The following CNTN4 variants were observed in gnomAD, a reference collection of about 807,000 sequenced individuals.
CNTN4 encodes the protein contactin-4.
In CNTN4, 77 loss-of-function variants were observed where a neutral mutation model predicts 122.5. That is an observed-to-expected ratio of 0.63 (90% CI 0.52 to 0.76). CNTN4 has a LOEUF of 0.76. CNTN4 is among the 30% of genes least tolerant of loss of function. The probability of loss-of-function intolerance (pLI) is 0.00; values close to 1 mark genes in which losing one functional copy is unlikely to be tolerated. For synonymous variants in CNTN4, 512 were observed against 447.0 expected (o/e 1.15, Z -1.83); for missense variants, 1,256 against 1,259.1 (o/e 1.00, Z 0.04).
chr3:2,681,156 A>T (rs1480604728), intron 4 of CNTN4, among the ~76,000 whole-genome samples: 1 of 152,214 alleles, frequency 6.6e-6, no homozygotes, highest in Non-Finnish European at 1.5e-5. Context: ...CAAGGATTTT[A>T]AAACCTGGCT....
intron 14 of CNTN4, among the ~76,000 whole-genome samples, chr3:3,011,805 C>T (rs1697261882): frequency 6.6e-6 from 1 of 152,106 alleles, no homozygotes; most frequent in African/African-American, 2.4e-5. Context: ...GCCCCAGTCT[C>T]TGCATGTTTG....
chr3:2,604,492 C>G (rs899873143), intron 4 of CNTN4, among the ~76,000 whole-genome samples: 8 of 151,986 alleles, frequency 5.3e-5, no homozygotes, highest in Non-Finnish European at 8.8e-5. Context: ...AGATACATAT[C>G]TATGTAATAT....
chr3:2,152,511 G>A (rs1352997244), intron 2 of CNTN4, among the ~76,000 whole-genome samples: 1 of 152,172 alleles, frequency 6.6e-6, no homozygotes, highest in East Asian at 1.9e-4. Context: ...ACAGGGCCGT[G>A]GTAGAGATGA....
intron 2 of CNTN4, among the ~76,000 whole-genome samples, chr3:2,194,456 A>G (rs898405331): frequency 2.6e-5 from 4 of 152,150 alleles, no homozygotes; most frequent in Non-Finnish European, 4.4e-5. Flanking sequence ...GTGAGACCCC[A>G]TGTCAACAGA....
At chr3:2,548,782 A>T (rs1434351348) in intron 3 of CNTN4, among the ~76,000 whole-genome samples, 1 of 152,150 alleles carries the variant, frequency 6.6e-6, no homozygotes, top group Non-Finnish European at 1.5e-5. Flanking sequence ...GGCCATTTTC[A>T]TGATATTGAT....
intron 2 of CNTN4, among the ~76,000 whole-genome samples, chr3:2,112,194 A>G (rs984027266): frequency 6.6e-6 from 1 of 152,164 alleles, no homozygotes; most frequent in Non-Finnish European, 1.5e-5. Context: ...TCTCATCTGT[A>G]TTCTTTCTAC....
At chr3:2,164,614 A>G (rs894164625) in intron 2 of CNTN4, among the ~76,000 whole-genome samples, 1 of 152,222 alleles carries the variant, frequency 6.6e-6, no homozygotes, top group Non-Finnish European at 1.5e-5. Flanking sequence ...GAAAATGTAT[A>G]CAAAAGTTGA....
At chr3:2,467,801 C>A (rs1410914078) in intron 3 of CNTN4, among the ~76,000 whole-genome samples, 2 of 152,176 alleles carry the variant, frequency 1.3e-5, no homozygotes, top group African/African-American at 2.4e-5. Flanking sequence ...CTTGGCCTTG[C>A]AGTGTCCTGG....
At chr3:3,004,126 AAAAT>A (rs1450834223) in intron 14 of CNTN4, among the ~76,000 whole-genome samples, 2 of 151,708 alleles carry the variant, frequency 1.3e-5, no homozygotes, top group African/African-American at 4.9e-5. Context: ...ATAAAAGGAA[AAAAT>A]AAGTAATGAT....
chr3:2,912,217 T>C (rs931416639), intron 12 of CNTN4, among the ~76,000 whole-genome samples: 2 of 152,326 alleles, frequency 1.3e-5, no homozygotes, highest in East Asian at 3.9e-4. Context: ...CAAACAAGTG[T>C]GCATCTGTAA....
chr3:2,625,914 A>C (rs1311973145), intron 4 of CNTN4, among the ~76,000 whole-genome samples: 2 of 152,158 alleles, frequency 1.3e-5, no homozygotes, highest in African/African-American at 2.4e-5. Context: ...CATTTGTTCT[A>C]CCAGTATCGA....
At chr3:2,326,049 C>A (rs1480658618) in intron 2 of CNTN4, among the ~76,000 whole-genome samples, 6 of 129,750 alleles carry the variant, frequency 4.6e-5, no homozygotes, top group African/African-American at 1.6e-4. Flanking sequence ...AATATTTGAT[C>A]ACATTATTAG....
At chr3:2,932,797 A>C (rs2094532983) in intron 13 of CNTN4, among the ~76,000 whole-genome samples, 1 of 138,114 alleles carries the variant, frequency 7.2e-6, no homozygotes, top group South Asian at 2.4e-4. Context: ...AGATGCTTAC[A>C]GTCTTTATTT....
At chr3:2,677,657 T>C (rs766132039) in intron 4 of CNTN4, among the ~76,000 whole-genome samples, 3 of 152,150 alleles carry the variant, frequency 2.0e-5, no homozygotes, top group Admixed American at 6.5e-5. Flanking sequence ...GTTTTTGTTT[T>C]AAGCATTTTA....
chr3:2,763,970 T>C (rs1303106482), intron 6 of CNTN4, among the ~76,000 whole-genome samples: 1 of 152,156 alleles, frequency 6.6e-6, no homozygotes, highest in Non-Finnish European at 1.5e-5. Flanking sequence ...TCGGGCTTTT[T>C]TTTTTTGTTC....
chr3:2,690,008 C>T (rs1172745279), intron 4 of CNTN4, among the ~76,000 whole-genome samples: 1 of 152,004 alleles, frequency 6.6e-6, no homozygotes, highest in Non-Finnish European at 1.5e-5. Flanking sequence ...TTTTGTTGCT[C>T]AGGGGAAAAC....
At chr3:2,417,373 GT>G (rs1171683330) in intron 3 of CNTN4, among the ~76,000 whole-genome samples, 1 of 152,140 alleles carries the variant, frequency 6.6e-6, no homozygotes, top group African/African-American at 2.4e-5. Context: ...TTTTTAGCTG[GT>G]TTCAAAAACA....
Position 3,034,728 on chromosome 3 carries a change from T to C in CNTN4, c.1880T>C (p.Ile627Thr). ...WRPGPDNHSPITMYVIQARTP... is the reference protein window; with the variant it reads ...WRPGPDNHSPTTMYVIQARTP... Reference sequence around the variant, plus strand: ...CCCGGGCCTGACAACCACAGCCCCATCACCATGTATGTCATTCAAGCCAGG... The same window carrying C: ...CCCGGGCCTGACAACCACAGCCCCACCACCATGTATGTCATTCAAGCCAGG... The change falls in exon 17 of 25, where the codon ATC becomes ACC. Residue 627 changes from isoleucine (I) to threonine (T), a missense_variant. Ile to Thr is a moderately conservative substitution (Grantham distance 89). Transcript: ENST00000418658. The C allele has an allele frequency of 6.2e-7, 1 of 1,613,998 alleles. No individual in the cohort carries two copies. The highest frequency in any genetic ancestry group is 8.5e-7 in the Non-Finnish European group (1 of 1,179,984).
At chr3:2,899,437 C>T (rs1439857227) in intron 10 of CNTN4, among the ~76,000 whole-genome samples, 1 of 151,974 alleles carries the variant, frequency 6.6e-6, no homozygotes, top group Admixed American at 6.6e-5. Context: ...GTAGAAATGC[C>T]CTGTGAACAC....
Sources: allele counts gnomAD v4.1 joint callset (sites outside exome capture counted in the v4.1 genomes callset), GRCh38; gene constraint gnomAD v4.1.1; transcripts MANE v1.5; gene names NCBI Gene and HGNC (gene_info 2026-07-23, HGNC 2026-07-21).